PRKCH: variants seen among roughly 807,000 people sequenced by gnomAD.
PRKCH encodes the protein protein kinase C eta.
In PRKCH, 28 loss-of-function variants were observed where a neutral mutation model predicts 82.5. That is an observed-to-expected ratio of 0.34 (90% confidence interval 0.25 to 0.47). The LOEUF is 0.47. PRKCH is among the 20% of genes least tolerant of loss of function. PRKCH has a pLI of 1.00. For synonymous variants in PRKCH, 322 were observed against 327.4 expected (o/e 0.98, Z 0.18); for missense variants, 705 against 881.8 (o/e 0.80, Z 2.54).
At chr14:61,203,407 A>G (rs1185384392) in intron 1 of PRKCH, among the ~76,000 whole-genome samples, 3 of 152,140 alleles carry the variant, frequency 2.0e-5, no homozygotes, top group Non-Finnish European at 4.4e-5. Flanking sequence ...CAGCACAGAG[A>G]AGCAGATAAT....
At chr14:61,325,676 C>T (rs942512919) in intron 1 of PRKCH, among the ~76,000 whole-genome samples, 1 of 152,024 alleles carries the variant, frequency 6.6e-6, no homozygotes, top group Admixed American at 6.6e-5. Context: ...AAACCCAAGC[C>T]ACAAATGGGG....
intron 1 of PRKCH, among the ~76,000 whole-genome samples, chr14:61,210,111 A>ATATATATAT (rs2044559213): frequency 1.1e-5 from 1 of 87,404 alleles, no homozygotes; most frequent in Non-Finnish European, 2.5e-5. Context: ...CAAACAAACA[A>ATATATATAT]ATATATATAT....
intron 9 of PRKCH, among the ~76,000 whole-genome samples, chr14:61,478,007 G>A (rs1486274300): frequency 6.6e-6 from 1 of 152,226 alleles, no homozygotes; most frequent in East Asian, 1.9e-4. Flanking sequence ...TCACTGCCAC[G>A]TGTGCCACAG....
intron 2 of PRKCH, among the ~76,000 whole-genome samples, chr14:61,406,011 G>A (rs1368220963): frequency 1.3e-5 from 2 of 152,170 alleles, no homozygotes; most frequent in Non-Finnish European, 2.9e-5. Context: ...GAAAAATACA[G>A]ATTCTCAGGA....
At chr14:61,229,460 C>T (rs2044723632) in intron 1 of PRKCH, among the ~76,000 whole-genome samples, 1 of 152,132 alleles carries the variant, frequency 6.6e-6, no homozygotes, top group South Asian at 2.1e-4. Context: ...CCTGAGGCAC[C>T]TGAATGAATG....
At chr14:61,526,658 A>G (rs1232341439) in intron 10 of PRKCH, among the ~76,000 whole-genome samples, 2 of 152,232 alleles carry the variant, frequency 1.3e-5, no homozygotes, top group Non-Finnish European at 2.9e-5. Context: ...TGGGCCATGC[A>G]GGCCAACAGA....
At chr14:61,437,972 T>C (rs556473875) in intron 2 of PRKCH, among the ~76,000 whole-genome samples, 1 of 152,276 alleles carries the variant, frequency 6.6e-6, no homozygotes, top group East Asian at 1.9e-4. Flanking sequence ...TCTAGGGTAG[T>C]GTGAAGTAAG....
At chr14:61,448,779 G>T (rs1884348686) in intron 4 of PRKCH, among the ~76,000 whole-genome samples, 1 of 152,200 alleles carries the variant, frequency 6.6e-6, no homozygotes, top group South Asian at 2.1e-4. Context: ...AAGGTGACAG[G>T]TAGCTTGGAG....
intron 10 of PRKCH, among the ~76,000 whole-genome samples, chr14:61,518,384 C>G (rs2139987901): frequency 6.6e-6 from 1 of 151,480 alleles, no homozygotes; most frequent in South Asian, 2.1e-4. Flanking sequence ...ACCGCTTCAG[C>G]CAGGGAATTT....
At position 61,343,311 on chromosome 14, in the gene PRKCH, C is replaced by T. The variant is rs149229222; in HGVS notation, c.363+20847C>T. On this transcript the variant is annotated intron_variant, in intron 1 of 13. Coordinates refer to ENST00000332981, the MANE Select transcript of PRKCH (RefSeq NM_006255.5). ...GTTATAACCCAAGGAAGAGATTTTCCTAAAGAATGTCCCTTTAGAGAAATA... is the reference window on the plus strand; with the variant it reads ...GTTATAACCCAAGGAAGAGATTTTCTTAAAGAATGTCCCTTTAGAGAAATA... 8.7e-3 allele frequency among the ~76,000 whole-genome samples: 1,173 copies of T among 134,976 alleles called. 13 individuals carry two copies. The highest frequency in any genetic ancestry group is 0.031 in the African/African-American group (1,118 of 35,656). The allele number at this position is 134,976 out of a possible 152,430, so 88.5% of individuals were successfully genotyped here.
chr14:61,411,721 T>G (rs1882279376), intron 2 of PRKCH, among the ~76,000 whole-genome samples: 1 of 152,118 alleles, frequency 6.6e-6, no homozygotes, highest in Non-Finnish European at 1.5e-5. Flanking sequence ...CTAAGGCCAC[T>G]AGAGATCATG....
intron 10 of PRKCH, among the ~76,000 whole-genome samples, chr14:61,489,444 A>G (rs1034635167): frequency 1.3e-5 from 2 of 152,250 alleles, no homozygotes; most frequent in African/African-American, 2.4e-5. Flanking sequence ...GCAAGAGGAC[A>G]TGGGCCAGTT....
intron 1 of PRKCH, among the ~76,000 whole-genome samples, chr14:61,265,363 C>G (rs2045089760): frequency 6.6e-6 from 1 of 152,132 alleles, no homozygotes; most frequent in Non-Finnish European, 1.5e-5. Flanking sequence ...CAGCTGTAGT[C>G]CCAGTTACTT....
At chr14:61,269,794 T>A (rs1434651658) in intron 1 of PRKCH, among the ~76,000 whole-genome samples, 2 of 152,210 alleles carry the variant, frequency 1.3e-5, no homozygotes, top group African/African-American at 4.8e-5. Context: ...GGGATTCTCA[T>A]TACAGATTGG....
In PRKCH at chr14:61,445,416, G is replaced by A. The variant is rs182388717; in HGVS notation, c.579-276G>A. On this transcript the variant is annotated intron_variant, in intron 3 of 13. Transcript: ENST00000332981. ...TCACACGTACAGATGAGGATTTATT[G>A]CCACTGAGGACTTAGGAAATTGCCA... 7.2e-5 allele frequency among the ~76,000 whole-genome samples: 11 copies of A among 152,308 alleles called. No homozygotes were observed. The East Asian group carries it at 1.9e-3, about 27-fold the overall frequency.
At chr14:61,297,398 G>A (rs755150152) in intron 1 of PRKCH, among the ~76,000 whole-genome samples, 16 of 152,138 alleles carry the variant, frequency 1.1e-4, no homozygotes, top group Non-Finnish European at 1.8e-4. Context: ...TGGGGCTCCT[G>A]AGTCAAATGA....
At chr14:61,361,664 A>G (rs138755358) in intron 1 of PRKCH, among the ~76,000 whole-genome samples, 9 of 152,340 alleles carry the variant, frequency 5.9e-5, no homozygotes, top group African/African-American at 2.2e-4. Flanking sequence ...TGACGCTTGG[A>G]CAAATTGTTT....
chr14:61,474,291 A>T (rs1176720156), intron 9 of PRKCH, among the ~76,000 whole-genome samples: 1 of 152,194 alleles, frequency 6.6e-6, no homozygotes, highest in Non-Finnish European at 1.5e-5. Context: ...CTTGCCTTCA[A>T]AGTTAACACA....
chr14:61,411,145 C>T (rs1203137716), intron 2 of PRKCH, among the ~76,000 whole-genome samples: 1 of 152,202 alleles, frequency 6.6e-6, no homozygotes, highest in Non-Finnish European at 1.5e-5. Context: ...GCTGTCTTCA[C>T]TATGCAGACC....
Sources: gnomAD v4.1 joint callset for allele counts (sites outside exome capture counted in the v4.1 genomes callset) on GRCh38, gnomAD v4.1.1 for gene constraint, MANE v1.5 for transcripts, NCBI Gene and HGNC (gene_info 2026-07-23, HGNC 2026-07-21) for gene names.